The following IGF1R variants were observed in gnomAD, a reference collection of about 807,000 sequenced individuals.
IGF1R encodes insulin-like growth factor 1 receptor.
IGF1R carries 44 observed loss-of-function variants against 144.6 expected under a neutral mutation model. The observed-to-expected ratio is 0.30, with a 90% CI of 0.24 to 0.39. The LOEUF is 0.39. Among genes scored for constraint, IGF1R ranks in the 10% least tolerant of loss-of-function variants. The pLI is 1.00. For missense variants in IGF1R, 1,355 were observed against 1,833.7 expected, an observed-to-expected ratio of 0.74 and a Z score of 4.77; for synonymous variants, 795 against 722.8, an observed-to-expected ratio of 1.10 and a Z score of -1.60.
At position 98,766,166 on chromosome 15, in the gene IGF1R, G is replaced by A. The variant is rs1459231525; in HGVS notation, c.640+58059G>A. 2.0e-5 allele frequency among the ~76,000 whole-genome samples: 3 copies of A among 152,186 alleles called. No individual in the cohort carries two copies. The East Asian group carries it at 5.8e-4, about 29-fold the overall frequency. On this transcript the variant is annotated intron_variant, in intron 2 of 20. Coordinates refer to ENST00000650285, the MANE Select transcript of IGF1R (RefSeq NM_000875.5). ...TGTGCTTCATTCTTCAGTCATTAGG[G>A]TGTCTCTGAAAGGTTTTTCATTGAA...
chr15:98,916,516 C>T, intron 9 of IGF1R, 156 bp from the exon 10 acceptor site: 1 of 740,412 alleles, frequency 1.4e-6, no homozygotes, highest in South Asian at 1.5e-5. Flanking sequence ...CCCGCCTCGG[C>T]CTCCCAAAGT....
At chr15:98,780,979 G>A (rs945125799) in intron 2 of IGF1R, among the ~76,000 whole-genome samples, 12 of 152,070 alleles carry the variant, frequency 7.9e-5, no homozygotes, top group Non-Finnish European at 1.2e-4. Flanking sequence ...AAATTTAGCC[G>A]GGAGTCGTGG....
At chr15:98,904,330 G>A (rs1163546941) in intron 5 of IGF1R, among the ~76,000 whole-genome samples, 1 of 152,080 alleles carries the variant, frequency 6.6e-6, no homozygotes, top group African/African-American at 2.4e-5. Context: ...GGGATTACAG[G>A]TGTGAGCCAC....
At chr15:98,745,873 G>A (rs2054852664) in intron 2 of IGF1R, among the ~76,000 whole-genome samples, 1 of 152,194 alleles carries the variant, frequency 6.6e-6, no homozygotes, top group Non-Finnish European at 1.5e-5. Context: ...TGTTACCTTT[G>A]ACCCAGAAAT....
At chr15:98,920,937 C>T (rs528307342) in intron 10 of IGF1R, among the ~76,000 whole-genome samples, 56 of 152,328 alleles carry the variant, frequency 3.7e-4, no homozygotes, top group African/African-American at 1.3e-3. Context: ...TGCCGAGCGT[C>T]AGCCGAACCT....
chr15:98,921,568 G>T (rs573517192), intron 10 of IGF1R, among the ~76,000 whole-genome samples: 1 of 152,102 alleles, frequency 6.6e-6, no homozygotes, highest in African/African-American at 2.4e-5. Context: ...GGTTGGGGGT[G>T]GGCTCGCAGC....
chr15:98,897,824 A>T (rs1424380124), intron 4 of IGF1R, among the ~76,000 whole-genome samples: 1 of 152,204 alleles, frequency 6.6e-6, no homozygotes, highest in East Asian at 1.9e-4. Context: ...CACTGGGACC[A>T]CTTGGTCAAG....
Position 98,896,904 on chromosome 15 carries a change from G to A in IGF1R, c.1101G>A (p.Gly367=), listed in dbSNP as rs1473115620. 6.2e-7 allele frequency: 1 copy of A among 1,613,820 alleles called. No individual in the cohort carries two copies. Among genetic ancestry groups the A allele is most frequent in the African/African-American group, 1.3e-5 (1 of 74,918 alleles). ...ATTTGCTCATTAACATCCGACGGGG[G>A]AGTAAGTATTCCATCCCCCTGGAAA... ...KGNLLINIRR[G]NNIASELENF... is the part of the protein sequence containing the mutation. The change falls in exon 4 of 21, where the codon GGG becomes GGA. Residue 367 remains glycine (G), a splice_region_variant and synonymous_variant. Coordinates refer to ENST00000650285, the MANE Select transcript of IGF1R (RefSeq NM_000875.5).
chr15:98,721,292 A>G (rs773281532), intron 2 of IGF1R, among the ~76,000 whole-genome samples: 8 of 152,228 alleles, frequency 5.3e-5, no homozygotes, highest in Non-Finnish European at 1.0e-4. Flanking sequence ...GTAGGTTCAG[A>G]GGACCTTGTT....
At chr15:98,916,906 CA>C in intron 10 of IGF1R, 30 bp downstream of exon 10, 1 of 1,589,482 alleles carries the variant, frequency 6.3e-7, no homozygotes, top group Non-Finnish European at 8.6e-7. Context: ...TTTCAGTTGG[CA>C]AAACCCACTG....
At chr15:98,923,632 C>T (rs2015583724) in intron 11 of IGF1R, 11 of 518,026 alleles carry the variant, frequency 2.1e-5, no homozygotes, top group Admixed American at 6.5e-5. Context: ...CATCTTGAGA[C>T]GTGCAAGTTT....
At chr15:98,710,931 A>T (rs1198063400) in intron 2 of IGF1R, among the ~76,000 whole-genome samples, 1 of 152,058 alleles carries the variant, frequency 6.6e-6, no homozygotes, top group African/African-American at 2.4e-5. Context: ...CAGCCTCCCA[A>T]AGTGTTAGGA....
At chr15:98,728,663 G>T (rs2054423399) in intron 2 of IGF1R, among the ~76,000 whole-genome samples, 1 of 152,254 alleles carries the variant, frequency 6.6e-6, no homozygotes, top group African/African-American at 2.4e-5. Context: ...AGGGCCGCCT[G>T]GGCGGGGTCA....
chr15:98,658,525 ATTG>A, intron 1 of IGF1R, among the ~76,000 whole-genome samples: 2 of 152,252 alleles, frequency 1.3e-5, no homozygotes, highest in Admixed American at 1.3e-4. Context: ...GGTTTTTTAA[ATTG>A]AAATAATTTC....
At chr15:98,802,391 T>C (rs1457508022) in intron 2 of IGF1R, among the ~76,000 whole-genome samples, 1 of 152,058 alleles carries the variant, frequency 6.6e-6, no homozygotes, top group African/African-American at 2.4e-5. Flanking sequence ...TGGAGCAGGG[T>C]GTGGCTGGCG....
chr15:98,929,972 G>T (rs558657068), intron 14 of IGF1R, among the ~76,000 whole-genome samples: 26 of 152,296 alleles, frequency 1.7e-4, no homozygotes, highest in African/African-American at 6.0e-4. Context: ...TATTTCCAAT[G>T]AAGTAAAGAA....
intron 1 of IGF1R, among the ~76,000 whole-genome samples, chr15:98,697,175 A>AT (rs2053614254): frequency 6.6e-6 from 1 of 152,134 alleles, no homozygotes; most frequent in Non-Finnish European, 1.5e-5. Context: ...ACCCTGCTGC[A>AT]TTTTACAAAG....
intron 13 of IGF1R, among the ~76,000 whole-genome samples, chr15:98,927,092 G>C (rs1546714): frequency 0.97 from 148,306 of 152,304 alleles, 72,245 homozygotes; most frequent in East Asian, 1. Flanking sequence ...TTCCTGTCTG[G>C]CTTTGCTGCT....
chr15:98,867,059 C>A (rs570083871), intron 2 of IGF1R, among the ~76,000 whole-genome samples: 11 of 152,084 alleles, frequency 7.2e-5, no homozygotes, highest in African/African-American at 1.7e-4. Flanking sequence ...GAGGCAGACA[C>A]CAATGGCGCC....
Sources: gnomAD v4.1 joint callset for allele counts (sites outside exome capture counted in the v4.1 genomes callset) on GRCh38, gnomAD v4.1.1 for gene constraint, MANE v1.5 for transcripts, NCBI Gene and HGNC (gene_info 2026-07-23, HGNC 2026-07-21) for gene names.